CA3: variants seen among roughly 807,000 people sequenced by gnomAD.
CA3 encodes the protein carbonic anhydrase 3.
In CA3, 30 loss-of-function variants were observed where a neutral mutation model predicts 35.7. That is an observed-to-expected ratio of 0.84 (90% CI 0.63 to 1.14). The LOEUF is 1.14. Ranked by LOEUF, CA3 falls within the 50% of genes most tolerant of loss-of-function variation. CA3 has a pLI of 0.00. For missense variants in CA3, 295 were observed against 328.5 expected (o/e 0.90, Z 0.79); for synonymous variants, 131 against 130.8 (o/e 1.00, Z -0.01).
chr8:85,442,857 T>C (rs578095089), intron 3 of CA3, among the ~76,000 whole-genome samples: 12 of 152,308 alleles, frequency 7.9e-5, no homozygotes, highest in Admixed American at 7.2e-4. Flanking sequence ...AGCTACCTTA[T>C]GAGACAGGTT....
chr8:85,445,050 A>C, intron 4 of CA3, 106 bp from the exon 5 acceptor site: 1 of 658,664 alleles, frequency 1.5e-6, no homozygotes, highest in Non-Finnish European at 2.7e-6. Flanking sequence ...ATTCTGGCAG[A>C]TTTATAAACA....
At position 85,445,157 on chromosome 8, in the gene CA3, T is replaced by C. The variant is rs1564070602; in HGVS notation, c.446T>C (p.Ile149Thr). Residue 149 changes from isoleucine to threonine, a missense_variant and splice_region_variant, in exon 5 of 7, where the codon ATA becomes ACA. Coordinates refer to ENST00000285381, the MANE Select transcript of CA3 (RefSeq NM_005181.4). ...GIAVIGIFLKIGHENGEFQIF... is the reference protein window; with the variant it reads ...GIAVIGIFLKTGHENGEFQIF... ...ACTTGGATTTCTGTTTTCTTACAGA[T>C]AGGACATGAGAATGGCGAGTTCCAG... 1 of 1,597,202 alleles carries C rather than the reference T, an allele frequency of 6.3e-7. No individual in the cohort carries two copies. The highest frequency in any genetic ancestry group is 8.6e-7 in the Non-Finnish European group (1 of 1,168,290).
chr8:85,439,938 T>A (rs751270726), intron 2 of CA3, 29 bp downstream of exon 2: 1 of 1,559,598 alleles, frequency 6.4e-7, no homozygotes, highest in Non-Finnish European at 8.8e-7. Context: ...TAGAATCACA[T>A]GGATGTTTTC....
rs1371529167 is a variant in CA3 at position 85,448,322 on chromosome 8, A to G, written c.*169A>G. 9.2e-6 allele frequency: 5 copies of G among 543,964 alleles called. No individual in the cohort carries two copies. Among genetic ancestry groups the G allele is most frequent in the African/African-American group, 3.8e-5 (2 of 51,976 alleles). 33.7% of individuals were successfully genotyped at this position (543,964 alleles called of 1,614,324 possible). A position where few individuals can be genotyped will look rare whatever the true frequency, so the allele number is the denominator to read the frequency against. ...CTAAGTTACTTGTTGAAAGAAAGTT[A>G]CTTTCGACAAGATCTAATATGAAAG... On this transcript the variant is annotated 3_prime_UTR_variant, in exon 7 of 7. Transcript: ENST00000285381.
intron 5 of CA3, among the ~76,000 whole-genome samples, chr8:85,445,895 T>C (rs1177968991): frequency 6.6e-6 from 1 of 152,222 alleles, no homozygotes; most frequent in African/African-American, 2.4e-5. Flanking sequence ...TTATCACAGA[T>C]AGTTCTACTC....
intron 1 of CA3, 25 bp from the exon 2 acceptor site, chr8:85,439,687 A>C: frequency 6.3e-7 from 1 of 1,578,212 alleles, no homozygotes; most frequent in Non-Finnish European, 8.7e-7. Flanking sequence ...CCAAATAAAT[A>C]CATCTCCTCG....
chr8:85,441,803 T>G, intron 2 of CA3: 1 of 408,886 alleles, frequency 2.4e-6, no homozygotes, highest in East Asian at 5.0e-5. Context: ...TCTGTTGTTT[T>G]AATTTTGCTT....
chr8:85,440,759 T>C (rs1360804458), intron 2 of CA3, among the ~76,000 whole-genome samples: 1 of 152,192 alleles, frequency 6.6e-6, no homozygotes, highest in Non-Finnish European at 1.5e-5. Flanking sequence ...AATGATTTTG[T>C]AATGAAGAAT....
intron 6 of CA3, among the ~76,000 whole-genome samples, chr8:85,447,443 A>G (rs1165678208): frequency 6.6e-6 from 1 of 152,222 alleles, no homozygotes. Flanking sequence ...TTCAGATTCA[A>G]CAGGAAAAGG....
chr8:85,448,126 C>T lies in CA3; in HGVS notation c.756C>T (p.Asn252=), dbSNP rs1259154539. Residue 252 remains asparagine (N), a synonymous_variant, in exon 7 of 7, where the codon AAC becomes AAT. Transcript: ENST00000285381. ...GGCGACCTCCACAGCCTATCAATAA[C>T]AGGGTGGTGAGAGCTTCCTTCAAAT... ...SNWRPPQPIN[N]RVVRASFK is the part of the protein sequence containing the mutation. The T allele has an allele frequency of 8.1e-6, 13 of 1,612,942 alleles. No individual in the cohort carries two copies. Among genetic ancestry groups the T allele is most frequent in the Admixed American group, 5.0e-5 (3 of 59,830 alleles).
At position 85,448,130 on chromosome 8, in the gene CA3, G is replaced by A. The variant is rs1811318878; in HGVS notation, c.760G>A (p.Val254Met). ...WRPPQPINNR[V>M]VRASFK ...ACCTCCACAGCCTATCAATAACAGG[G>A]TGGTGAGAGCTTCCTTCAAATGAGG... Residue 254 changes from valine (V) to methionine (M), a missense_variant, in exon 7 of 7, where the codon GTG (valine) becomes ATG (methionine). Val to Met is a conservative substitution (Grantham distance 21, BLOSUM62 1). Coordinates refer to ENST00000285381, the MANE Select transcript of CA3 (RefSeq NM_005181.4). The A allele has an allele frequency of 4.3e-6, 7 of 1,612,714 alleles. No individual in the cohort carries two copies. The highest frequency in any genetic ancestry group is 1.3e-5 in the African/African-American group (1 of 74,894).
chr8:85,446,209 C>G lies in CA3; in HGVS notation c.575C>G (p.Thr192Ser). The G allele has an allele frequency of 6.2e-7, 1 of 1,614,084 alleles. No individual in the cohort carries two copies. The highest frequency in any genetic ancestry group is 8.5e-7 in the Non-Finnish European group (1 of 1,179,980). ...TTCCCGGCATGCCGGGACTACTGGA[C>G]CTACCAGGGCTCATTCACCACGCCG... ...CLFPACRDYWTYQGSFTTPPC... is the reference protein window; with the variant it reads ...CLFPACRDYWSYQGSFTTPPC... The change falls in exon 6 of 7, where the codon ACC becomes AGC. Residue 192 changes from threonine to serine, a missense_variant. Physicochemically the swap from Thr to Ser is moderately conservative, Grantham distance 58. Transcript: ENST00000285381.
At position 85,438,871 on chromosome 8, in the gene CA3, A is replaced by G. The variant is rs890852718; in HGVS notation, c.-39A>G. 9.0e-6 allele frequency: 14 copies of G among 1,550,334 alleles called. No individual in the cohort carries two copies. In the African/African-American group the frequency reaches 1.4e-4, roughly 15 times the overall value. On this transcript the variant is annotated 5_prime_UTR_variant, in exon 1 of 7. Coordinates refer to ENST00000285381, the MANE Select transcript of CA3 (RefSeq NM_005181.4). ...CGGCGACTCTGCACCACGCAGGGGA[A>G]GAGAAAGCAGGAGCCGTCCAGCACG... is the stretch of plus-strand genomic sequence containing the variant.
chr8:85,444,317 T>C (rs994919276), intron 4 of CA3, among the ~76,000 whole-genome samples, 191 bp downstream of exon 4: 1 of 152,190 alleles, frequency 6.6e-6, no homozygotes, highest in African/African-American at 2.4e-5. Context: ...AGTGTATCTT[T>C]TACCACACTC....
intron 2 of CA3, among the ~76,000 whole-genome samples, chr8:85,440,341 C>A (rs1811190436): frequency 6.6e-6 from 1 of 152,164 alleles, no homozygotes; most frequent in Admixed American, 6.5e-5. Flanking sequence ...CCTAAATAGG[C>A]ACTTTCTTCC....
rs939998267 is a variant in CA3, at chr8:85,441,957, C to G, written c.233-116C>G. 12 of 711,726 alleles carry G rather than the reference C, an allele frequency of 1.7e-5. No homozygotes were observed. The East Asian group carries it at 3.0e-4, about 18-fold the overall frequency. 44.1% of individuals were successfully genotyped at this position (711,726 alleles called of 1,614,324 possible). On this transcript the variant is annotated intron_variant, in intron 2 of 6. Coordinates refer to ENST00000285381, the MANE Select transcript of CA3 (RefSeq NM_005181.4). ...GTGTCCTGGGAGTGGCACCATCCACCCAGCAAACTGACCACATTTTGTCCA... is the reference window on the plus strand; with the variant it reads ...GTGTCCTGGGAGTGGCACCATCCACGCAGCAAACTGACCACATTTTGTCCA...
At chr8:85,441,551 C>G (rs1056430799) in intron 2 of CA3, among the ~76,000 whole-genome samples, 1 of 152,218 alleles carries the variant, frequency 6.6e-6, no homozygotes, top group African/African-American at 2.4e-5. Flanking sequence ...ATGATGAGCA[C>G]TTTAAGGTGC....
chr8:85,446,396 T>C (rs959444153), intron 6 of CA3, 99 bp downstream of exon 6: 33 of 1,336,686 alleles, frequency 2.5e-5, no homozygotes, highest in Middle Eastern at 2.1e-4. Flanking sequence ...GGATACTCAC[T>C]GAACAGCTCT....
At chr8:85,445,005 G>A in intron 4 of CA3, 151 bp from the exon 5 acceptor site, 1 of 525,688 alleles carries the variant, frequency 1.9e-6, no homozygotes, top group Non-Finnish European at 3.4e-6. Context: ...AAATCTTGAG[G>A]AAAAATAAAC....
Sources: allele counts gnomAD v4.1 joint callset (sites outside exome capture counted in the v4.1 genomes callset), GRCh38; gene constraint gnomAD v4.1.1; transcripts MANE v1.5; gene names NCBI Gene and HGNC (gene_info 2026-07-23, HGNC 2026-07-21).